Variants in CELF2 observed in about 807,000 individuals in gnomAD.
CELF2 encodes the protein CUGBP Elav-like family member 2.
A neutral mutation model predicts 62.6 loss-of-function variants in CELF2; 8 were observed. The observed-to-expected ratio is 0.13, with a 90% CI of 0.07 to 0.23. The LOEUF (loss-of-function observed/expected upper bound fraction) is 0.23. Ranked by LOEUF, CELF2 falls within the 10% of genes least tolerant of loss-of-function variation. The probability of loss-of-function intolerance (pLI) is 1.00; values close to 1 mark genes in which losing one functional copy is unlikely to be tolerated. For synonymous variants in CELF2, 258 were observed against 250.0 expected, an observed-to-expected ratio of 1.03 and a Z score of -0.30; for missense variants, 333 against 671.0, an observed-to-expected ratio of 0.50 and a Z score of 5.56.
chr10:11,206,778 A>G (rs2060526369), intron 2 of CELF2, among the ~76,000 whole-genome samples: 1 of 152,276 alleles, frequency 6.6e-6, no homozygotes, highest in Admixed American at 6.5e-5. Context: ...ACAAAGCGTG[A>G]TAAATTCTAT....
rs2065896797 is a variant in CELF2 at position 11,224,636 on chromosome 10, T to C, written c.354+7129T>C. Among the ~76,000 whole-genome samples, 1 of 152,168 alleles carries C rather than the reference T, an allele frequency of 6.6e-6. No homozygotes were observed. Among genetic ancestry groups the C allele is most frequent in the African/African-American group, 2.4e-5 (1 of 41,446 alleles). On this transcript the variant is annotated intron_variant, in intron 3 of 12. Coordinates refer to ENST00000633077, the MANE Select transcript of CELF2 (RefSeq NM_001326342.2). The surrounding 1 kb of genome is among the most constrained non-coding windows in gnomAD (Gnocchi z 4.5). Reference sequence around the variant, plus strand: ...GAAGTTTGATATACACCTAGAAAATTGTCCAAATTCTGTCATTAGCGTATA... The same window carrying C: ...GAAGTTTGATATACACCTAGAAAATCGTCCAAATTCTGTCATTAGCGTATA...
At chr10:10,621,469 AAG>A in the CELF2 span, among the ~76,000 whole-genome samples, 1 of 152,180 alleles carries the variant, frequency 6.6e-6, no homozygotes, top group Non-Finnish European at 1.5e-5. Context: ...CACCCACAGA[AAG>A]AGAGTTGAGA....
intron 1 of CELF2, among the ~76,000 whole-genome samples, chr10:10,843,213 A>C (rs11256859): frequency 6.6e-6 from 1 of 152,082 alleles, no homozygotes; most frequent in Non-Finnish European, 1.5e-5. Flanking sequence ...AAGAAAATCA[A>C]TATAACAAAA....
At chr10:10,802,075 TA>T (rs2054720941) in intron 1 of CELF2, among the ~76,000 whole-genome samples, 1 of 152,132 alleles carries the variant, frequency 6.6e-6, no homozygotes, top group Non-Finnish European at 1.5e-5. Context: ...CCTCGGAAAG[TA>T]CAAACACTCC....
Position 11,211,811 on chromosome 10 carries a change from AGAGTGTGTGTGTGTGTGT to A in CELF2, c.272-5612_272-5595del, listed in dbSNP as rs1335982674. ...GTGTGTGAGAGAGAGAGAGAGAGAG[AGAGTGTGTGTGTGTGTGT>A]GTGTGTGTGTGTGTGTGTGTGTGTG... is the stretch of plus-strand genomic sequence containing the variant. On this transcript the variant is annotated intron_variant, in intron 2 of 12. Coordinates refer to ENST00000633077, the MANE Select transcript of CELF2 (RefSeq NM_001326342.2). This position sits in a 1 kb window ranked among gnomAD's most constrained non-coding sequence, Gnocchi z 4.8. 3.6e-5 allele frequency among the ~76,000 whole-genome samples: 2 copies of A among 56,044 alleles called. No homozygotes were observed. The highest frequency in any genetic ancestry group is 7.4e-5 in the African/African-American group (1 of 13,482). 36.8% of individuals were successfully genotyped at this position (56,044 alleles called of 152,430 possible). A position where few individuals can be genotyped will look rare whatever the true frequency, so the allele number is the denominator to read the frequency against.
chr10:10,686,175 G>A, the CELF2 span, among the ~76,000 whole-genome samples: 9 of 152,196 alleles, frequency 5.9e-5, 1 homozygote, highest in East Asian at 1.2e-3. Flanking sequence ...AATTGGGAGA[G>A]TGTTGATAGG....
intron 2 of CELF2, among the ~76,000 whole-genome samples, chr10:10,921,775 G>C (rs1354980502): frequency 6.6e-6 from 1 of 151,948 alleles, no homozygotes; most frequent in Non-Finnish European, 1.5e-5. Flanking sequence ...AGAGCAGTGT[G>C]TGGGACTGGG....
intron 1 of CELF2, among the ~76,000 whole-genome samples, chr10:11,118,600 G>A (rs187014372): frequency 4.4e-4 from 67 of 152,282 alleles, no homozygotes; most frequent in Admixed American, 5.9e-4. Context: ...AGATTTTTGC[G>A]TAAGGTCATA....
the CELF2 span, among the ~76,000 whole-genome samples, chr10:10,745,718 C>T: frequency 1.3e-5 from 2 of 152,192 alleles, no homozygotes; most frequent in African/African-American, 4.8e-5. Context: ...TGGAGGGTGA[C>T]CCCTCTAAAA....
In CELF2 at chr10:11,165,359, A is replaced by T; in HGVS notation, c.75-127A>T. On this transcript the variant is annotated intron_variant, in intron 1 of 12. Coordinates refer to ENST00000633077, the MANE Select transcript of CELF2 (RefSeq NM_001326342.2). The surrounding 1 kb of genome is among the most constrained non-coding windows in gnomAD (Gnocchi z 7.4). ...TTAGTTCATCAAATTTCTACGACTC[A>T]TTAGGCACTTTGCCACTGCTCTTCT... is the stretch of plus-strand genomic sequence containing the variant. The T allele has an allele frequency of 6.7e-7, 1 of 1,500,478 alleles. No individual in the cohort carries two copies. The highest frequency in any genetic ancestry group is 2.4e-5 in the Admixed American group (1 of 42,382). The allele number at this position is 1,500,478 out of a possible 1,614,324, so 92.9% of individuals were successfully genotyped here.
chr10:10,592,232 G>A, the CELF2 span, among the ~76,000 whole-genome samples: 56 of 152,300 alleles, frequency 3.7e-4, no homozygotes, highest in African/African-American at 1.3e-3. Flanking sequence ...TGGAAACGAA[G>A]CCCTGGCTGA....
At chr10:11,021,717 C>T (rs2058348584) in intron 1 of CELF2, among the ~76,000 whole-genome samples, 1 of 152,126 alleles carries the variant, frequency 6.6e-6, no homozygotes, top group South Asian at 2.1e-4. Context: ...CAGTAAATGG[C>T]AAAACTGTGG....
Position 11,315,148 on chromosome 10 carries a change from C to CTG in CELF2, c.1096+891_1096+892dup, listed in dbSNP as rs768467550. On this transcript the variant is annotated intron_variant, in intron 10 of 12. Transcript: ENST00000633077. The surrounding 1 kb of genome is among the most constrained non-coding windows in gnomAD (Gnocchi z 5.8). ...GGTGTGGGTTCCTGTACTGAGGAAA[C>CTG]TGATCCTCAGCCCACAGCGGGGACA... Among the ~76,000 whole-genome samples, 4 of 152,116 alleles carry CTG rather than the reference C, an allele frequency of 2.6e-5. No homozygotes were observed. Among genetic ancestry groups the CTG allele is most frequent in the Non-Finnish European group, 4.4e-5 (3 of 68,016 alleles).
At chr10:10,722,232 T>G in the CELF2 span, among the ~76,000 whole-genome samples, 3,895 of 152,160 alleles carry the variant, frequency 0.026, 46 homozygotes, top group Middle Eastern at 0.048. Context: ...AGCCCAGAAG[T>G]TGGATGCTGT....
At chr10:11,308,797 A>C (rs894378223) in intron 9 of CELF2, among the ~76,000 whole-genome samples, 1 of 152,136 alleles carries the variant, frequency 6.6e-6, no homozygotes, top group Non-Finnish European at 1.5e-5. Flanking sequence ...TAAATTTTAA[A>C]ATGCTGCCGT....
chr10:11,302,208 T>G lies in CELF2; in HGVS notation c.977-11931T>G, dbSNP rs1565872733. ...GCCCTTTCCTGTCACAAACCAAACC[T>G]TCCCACTCCCTGCAGCCTCTCACCT... is the stretch of plus-strand genomic sequence containing the variant. On this transcript the variant is annotated intron_variant, in intron 9 of 12. Transcript: ENST00000633077. The surrounding 1 kb of genome is among the most constrained non-coding windows in gnomAD (Gnocchi z 5.0). Among the ~76,000 whole-genome samples, 1 of 152,198 alleles carries G rather than the reference T, an allele frequency of 6.6e-6. No individual in the cohort carries two copies.
intron 1 of CELF2, among the ~76,000 whole-genome samples, chr10:10,885,450 C>G (rs1409744565): frequency 2.0e-5 from 3 of 151,344 alleles, no homozygotes; most frequent in Non-Finnish European, 4.4e-5. Flanking sequence ...AGGAAACAAG[C>G]AGAAGACAAG....
At chr10:10,493,874 C>T in the CELF2 span, among the ~76,000 whole-genome samples, 1 of 152,160 alleles carries the variant, frequency 6.6e-6, no homozygotes, top group African/African-American at 2.4e-5. Context: ...CTGCTCTGTG[C>T]CCATCCCTTT....
chr10:10,473,062 C>T, the CELF2 span, among the ~76,000 whole-genome samples: 1 of 151,912 alleles, frequency 6.6e-6, no homozygotes, highest in African/African-American at 2.4e-5. Flanking sequence ...TGAATTGTGC[C>T]TCCCCTCAAA....
Sources: gnomAD v4.1 joint callset for allele counts (sites outside exome capture counted in the v4.1 genomes callset) on GRCh38, gnomAD v4.1.1 for gene constraint, Gnocchi (gnomAD v3.1) non-coding constraint, MANE v1.5 for transcripts, NCBI Gene and HGNC (gene_info 2026-07-23, HGNC 2026-07-21) for gene names.